HTRA1: variants seen among roughly 807,000 people sequenced by gnomAD.
HTRA1 encodes HtrA serine peptidase 1, also known as serine protease HTRA1.
In HTRA1, 26 loss-of-function variants were observed where a neutral mutation model predicts 49.7. That is an observed-to-expected ratio of 0.52 (90% CI 0.38 to 0.73). The LOEUF (loss-of-function observed/expected upper bound fraction) is 0.73, where lower values mean the gene tolerates loss of function less well. Ranked by LOEUF, HTRA1 falls within the 30% of genes least tolerant of loss-of-function variation. The probability of loss-of-function intolerance (pLI) is 0.00; values close to 1 mark genes in which losing one functional copy is unlikely to be tolerated. For missense variants in HTRA1, 561 were observed against 667.2 expected, an observed-to-expected ratio of 0.84 and a Z score of 1.75; for synonymous variants, 291 against 286.9, an observed-to-expected ratio of 1.01 and a Z score of -0.14.
rs933548774 is a variant in HTRA1 at position 122,490,314 on chromosome 10, C to T, written c.777+688C>T. On this transcript the variant is annotated intron_variant, in intron 3 of 8. Coordinates refer to ENST00000368984, the MANE Select transcript of HTRA1 (RefSeq NM_002775.5). The surrounding 1 kb of genome is among the most constrained non-coding windows in gnomAD (Gnocchi z 4.2). ...CAGCTTTTTGTGGGGGCAGGCAGAACTGAGACATACCAAAATCAGTTTGGG... is the reference window on the plus strand; with the variant it reads ...CAGCTTTTTGTGGGGGCAGGCAGAATTGAGACATACCAAAATCAGTTTGGG... Among the ~76,000 whole-genome samples the T allele has an allele frequency of 1.4e-4, 21 of 152,132 alleles. No homozygotes were observed. Among genetic ancestry groups the T allele is most frequent in the Non-Finnish European group, 2.9e-4 (20 of 68,022 alleles).
chr10:122,489,237 T>C (rs2097494594), intron 2 of HTRA1, among the ~76,000 whole-genome samples, 185 bp from the exon 3 acceptor site: 3 of 152,216 alleles, frequency 2.0e-5, no homozygotes, highest in Non-Finnish European at 4.4e-5. Context: ...TAAGAATATT[T>C]TGTAAGTGGA....
chr10:122,498,028 G>T (rs984975185), intron 3 of HTRA1, among the ~76,000 whole-genome samples: 1 of 152,206 alleles, frequency 6.6e-6, no homozygotes, highest in African/African-American at 2.4e-5. Context: ...AAGAGTAAGG[G>T]AATATTGGAA....
At position 122,481,634 on chromosome 10, in the gene HTRA1, C is replaced by T. The variant is rs543584514; in HGVS notation, c.473-7268C>T. Among the ~76,000 whole-genome samples, 147 of 152,322 alleles carry T rather than the reference C, an allele frequency of 9.7e-4. 2 individuals are homozygous for T. The highest frequency in any genetic ancestry group is 1.8e-3 in the Non-Finnish European group (121 of 68,042). ...CCCAAGAGCATCAGGCAGAGGTTCC[C>T]AAACTGTCATGATTGGTGGCACCTT... On this transcript the variant is annotated intron_variant, in intron 1 of 8. Transcript: ENST00000368984.
rs1316886481 is a variant in HTRA1, at chr10:122,494,580, A to G, written c.777+4954A>G. On this transcript the variant is annotated intron_variant, in intron 3 of 8. Transcript: ENST00000368984. This position sits in a 1 kb window ranked among gnomAD's most constrained non-coding sequence, Gnocchi z 4.0. ...TTTCCCTGACGCCAACAACCAGGTA[A>G]ATATTTGGAAACGGCCTTGTTGAGG... Among the ~76,000 whole-genome samples, 1 of 152,098 alleles carries G rather than the reference A, an allele frequency of 6.6e-6. No individual in the cohort carries two copies.
chr10:122,492,035 T>C (rs961163214), intron 3 of HTRA1, among the ~76,000 whole-genome samples: 1 of 152,160 alleles, frequency 6.6e-6, no homozygotes, highest in African/African-American at 2.4e-5. Context: ...TTGCTTTGTG[T>C]CATCTTAGGG....
rs2097493647 is a variant in HTRA1 at position 122,487,648 on chromosome 10, G to A, written c.473-1254G>A. Among the ~76,000 whole-genome samples the A allele has an allele frequency of 6.6e-6, 1 of 152,182 alleles. No homozygotes were observed. Among genetic ancestry groups the A allele is most frequent in the Admixed American group, 6.5e-5 (1 of 15,280 alleles). On this transcript the variant is annotated intron_variant, in intron 1 of 8. Transcript: ENST00000368984. The surrounding 1 kb of genome is among the most constrained non-coding windows in gnomAD (Gnocchi z 4.8). ...AGGGATACGTTCTGAGAAATGCGTC[G>A]TTAGGCGATTTCATCACTGTGGGAA... is the stretch of plus-strand genomic sequence containing the variant.
rs1175000574 is a variant in HTRA1, at chr10:122,461,635, G to A, written c.-18G>A. On this transcript the variant is annotated 5_prime_UTR_variant, in exon 1 of 9. Coordinates refer to ENST00000368984, the MANE Select transcript of HTRA1 (RefSeq NM_002775.5). Reference sequence around the variant, plus strand: ...CCTCGCCCTGTCCGCCGCCACCGCCGCCGCCGCCAGAGTCGCCATGCAGAT... The same window carrying A: ...CCTCGCCCTGTCCGCCGCCACCGCCACCGCCGCCAGAGTCGCCATGCAGAT... 4.6e-6 allele frequency: 6 copies of A among 1,293,742 alleles called. No homozygotes were observed. The highest frequency in any genetic ancestry group is 5.6e-5 in the Admixed American group (2 of 35,876). The allele number at this position is 1,293,742 out of a possible 1,614,324, so 80.1% of individuals were successfully genotyped here.
chr10:122,498,444 T>C (rs1050039598), intron 3 of HTRA1, among the ~76,000 whole-genome samples: 1 of 152,176 alleles, frequency 6.6e-6, no homozygotes, highest in Non-Finnish European at 1.5e-5. Flanking sequence ...CACCCTTGAC[T>C]TTGTGATCAC....
At chr10:122,499,598 C>T (rs2097500095) in intron 3 of HTRA1, among the ~76,000 whole-genome samples, 1 of 152,192 alleles carries the variant, frequency 6.6e-6, no homozygotes, top group East Asian at 1.9e-4. Context: ...TCACTTCCCT[C>T]CTTACCCAGC....
At position 122,514,604 on chromosome 10, in the gene HTRA1, C is replaced by A; in HGVS notation, c.*245C>A. On this transcript the variant is annotated 3_prime_UTR_variant, in exon 9 of 9. Transcript: ENST00000368984. ...TATGTATGCAGTGTGCTTTTTCTTG[C>A]CAGCTTGGGCCATTCTTGCTTAGAC... 1 of 507,034 alleles carries A rather than the reference C, an allele frequency of 2.0e-6. No individual in the cohort carries two copies. The highest frequency in any genetic ancestry group is 2.0e-5 in the South Asian group (1 of 49,196). 31.4% of individuals were successfully genotyped at this position (507,034 alleles called of 1,614,324 possible).
At position 122,514,333 on chromosome 10, in the gene HTRA1, G is replaced by A; in HGVS notation, c.1417G>A (p.Val473Met). 6.2e-7 allele frequency: 1 copy of A among 1,614,142 alleles called. No homozygotes were observed. Among genetic ancestry groups the A allele is most frequent in the Non-Finnish European group, 8.5e-7 (1 of 1,180,014 alleles). Residue 473 changes from valine (V) to methionine (M), a missense_variant, in exon 9 of 9, where the codon GTG (valine) becomes ATG (methionine). Around this residue, in one of 3 missense-constraint regions of HTRA1, gnomAD observed 179 missense variants for 173.4 expected, o/e 1.03. Coordinates refer to ENST00000368984, the MANE Select transcript of HTRA1 (RefSeq NM_002775.5). ...RRGNEDIMIT[V>M]IPEEIDP ...GGGTAATGAAGATATCATGATCACA[G>A]TGATTCCCGAAGAAATTGACCCATA...
chr10:122,489,272 G>A (rs2097494604), intron 2 of HTRA1, 150 bp from the exon 3 acceptor site: 1 of 800,880 alleles, frequency 1.2e-6, no homozygotes, highest in Non-Finnish European at 2.1e-6. Context: ...GCAAAAAATT[G>A]GCAGGATGTT....
chr10:122,502,497 G>T (rs1297030042), intron 3 of HTRA1, among the ~76,000 whole-genome samples: 2 of 152,178 alleles, frequency 1.3e-5, no homozygotes, highest in African/African-American at 2.4e-5. Flanking sequence ...ACCCTCACTG[G>T]ATCTGTTTCT....
intron 3 of HTRA1, among the ~76,000 whole-genome samples, chr10:122,493,568 C>T (rs1441786373): frequency 6.6e-6 from 1 of 152,002 alleles, no homozygotes; most frequent in Admixed American, 6.6e-5. Flanking sequence ...AAAAAGAGAG[C>T]AGTTTGGTTT....
At chr10:122,475,242 A>G (rs2097487911) in intron 1 of HTRA1, among the ~76,000 whole-genome samples, 2 of 152,224 alleles carry the variant, frequency 1.3e-5, no homozygotes, top group Non-Finnish European at 2.9e-5. Context: ...CACCCGGGAC[A>G]TGCAGGACGG....
chr10:122,481,715 CAT>C (rs1369484742), intron 1 of HTRA1, among the ~76,000 whole-genome samples: 2 of 152,196 alleles, frequency 1.3e-5, no homozygotes, highest in Non-Finnish European at 2.9e-5. Context: ...TGAATTCCCA[CAT>C]GTTGTGGGAG....
chr10:122,506,790 A>G lies in HTRA1; in HGVS notation c.877A>G (p.Thr293Ala). The change falls in exon 4 of 9, where the codon ACC (threonine) becomes GCC (alanine). Residue 293 changes from threonine to alanine, a missense_variant. This residue lies in a region of HTRA1 where 271 missense variants were observed against 410.0 expected (regional missense o/e 0.66). Transcript: ENST00000368984. This position sits in a 1 kb window ranked among gnomAD's most constrained non-coding sequence, Gnocchi z 5.2. ...CCCGTTTTCCCTTCAAAACACAGTC[A>G]CCACCGGGATCGTGAGCACCACCCA... is the stretch of plus-strand genomic sequence containing the variant. ...GSPFSLQNTV[T>A]TGIVSTTQRG... 1 of 1,613,794 alleles carries G rather than the reference A, an allele frequency of 6.2e-7. No individual in the cohort carries two copies.
chr10:122,469,538 T>C (rs1469386152), intron 1 of HTRA1, among the ~76,000 whole-genome samples: 1 of 152,160 alleles, frequency 6.6e-6, no homozygotes, highest in Non-Finnish European at 1.5e-5. Flanking sequence ...CCAGGACAGT[T>C]AGGGCAGTGG....
intron 1 of HTRA1, among the ~76,000 whole-genome samples, chr10:122,479,555 A>T (rs189361323): frequency 4.7e-4 from 71 of 152,258 alleles, no homozygotes; most frequent in African/African-American, 1.6e-3. Context: ...CTTATTGATA[A>T]TATTATTTTA....
Sources: gnomAD v4.1 joint callset for allele counts (sites outside exome capture counted in the v4.1 genomes callset) on GRCh38, gnomAD v4.1.1 for gene constraint, gnomAD v4.1.1 regional missense constraint, Gnocchi (gnomAD v3.1) non-coding constraint, MANE v1.5 for transcripts, NCBI Gene and HGNC (gene_info 2026-07-23, HGNC 2026-07-21) for gene names.